Variants in ADCY5 observed in about 807,000 individuals in gnomAD.
The protein encoded by ADCY5 is adenylate cyclase 5.
Under a neutral mutation model 119.7 loss-of-function variants are expected in ADCY5, and 30 were observed. The observed-to-expected ratio is 0.25, with a 90% CI of 0.19 to 0.34. ADCY5 has a LOEUF of 0.34. Among genes scored for constraint, ADCY5 ranks in the 10% least tolerant of loss-of-function variants. The pLI, the probability that ADCY5 is intolerant of heterozygous loss-of-function variation, is 1.00. For missense variants in ADCY5, 1,324 were observed against 1,775.2 expected (o/e 0.75, Z 4.57); for synonymous variants, 753 against 762.2 (o/e 0.99, Z 0.20).
intron 1 of ADCY5, among the ~76,000 whole-genome samples, chr3:123,383,184 T>C (rs2107563218): frequency 6.6e-6 from 1 of 152,192 alleles, no homozygotes; most frequent in African/African-American, 2.4e-5. Context: ...TAAACAGGAA[T>C]GCAGCCCAGG....
intron 1 of ADCY5, among the ~76,000 whole-genome samples, chr3:123,392,155 C>T (rs897052884): frequency 6.6e-6 from 1 of 152,252 alleles, no homozygotes; most frequent in Non-Finnish European, 1.5e-5. Context: ...AGTTACACAA[C>T]AGTATAGCCT....
chr3:123,358,634 C>T (rs1943129483), intron 1 of ADCY5, among the ~76,000 whole-genome samples: 1 of 152,116 alleles, frequency 6.6e-6, no homozygotes, highest in African/African-American at 2.4e-5. Context: ...AAAACAAGCC[C>T]TGCAGATGGA....
chr3:123,309,077 G>C (rs949855516), intron 12 of ADCY5, among the ~76,000 whole-genome samples: 23 of 152,174 alleles, frequency 1.5e-4, no homozygotes, highest in African/African-American at 5.3e-4. Context: ...ATGAAAAACA[G>C]GAGTGGGAAC....
intron 14 of ADCY5, 105 bp from the exon 15 acceptor site, chr3:123,300,400 G>A: frequency 1.5e-6 from 2 of 1,297,648 alleles, no homozygotes; most frequent in Non-Finnish European, 2.1e-6. Context: ...GGCCTGGGCT[G>A]GGCATGTTTC....
chr3:123,328,566 T>A, intron 6 of ADCY5, 78 bp downstream of exon 6: 51 of 1,409,936 alleles, frequency 3.6e-5, no homozygotes, highest in Non-Finnish European at 3.7e-5. Flanking sequence ...CCGCCTCGCC[T>A]CTGCAGGATG....
chr3:123,371,596 G>C (rs1385355148), intron 1 of ADCY5, among the ~76,000 whole-genome samples: 15 of 152,226 alleles, frequency 9.9e-5, no homozygotes, highest in Non-Finnish European at 5.9e-5. Context: ...CCTGAGCCTC[G>C]GGGCATTGCA....
chr3:123,373,761 C>CA (rs1161766351), intron 1 of ADCY5, among the ~76,000 whole-genome samples: 2 of 20,262 alleles, frequency 9.9e-5, no homozygotes, highest in East Asian at 0.071. Context: ...GCATCACGCC[C>CA]CCCCCCCCCC....
Position 123,284,406 on chromosome 3 carries a change from G to T in ADCY5, c.*202C>A. 1 of 720,492 alleles carries T rather than the reference G, an allele frequency of 1.4e-6. No homozygotes were observed. Among genetic ancestry groups the T allele is most frequent in the Non-Finnish European group, 2.2e-6 (1 of 451,550 alleles). 44.6% of individuals were successfully genotyped at this position (720,492 alleles called of 1,614,324 possible). A position where few individuals can be genotyped will look rare whatever the true frequency, so the allele number is the denominator to read the frequency against. On this transcript the variant is annotated 3_prime_UTR_variant, in exon 21 of 21. Coordinates refer to ENST00000462833, the MANE Select transcript of ADCY5 (RefSeq NM_183357.3). ...AACATCTTTGGTCAGCTGGGTGCTC[G>T]CAGGACGCTGGCACCCCGGGGCCTG...
chr3:123,401,790 T>C (rs1944760383), intron 1 of ADCY5, among the ~76,000 whole-genome samples: 1 of 152,114 alleles, frequency 6.6e-6, no homozygotes, highest in Non-Finnish European at 1.5e-5. Context: ...AGAGGTAGTG[T>C]GGCAGGTAGC....
rs780526569 is a variant in ADCY5 at position 123,303,838 on chromosome 3, A to AAAGAGAAGAGAAGAG, written c.2559+214_2559+228dup. On this transcript the variant is annotated intron_variant, in intron 13 of 20. Coordinates refer to ENST00000462833, the MANE Select transcript of ADCY5 (RefSeq NM_183357.3). ...AGACTCTGTCTCAAAACTGGAAAGAAAAGAGAAGAGAAGAGAAGAGAAGAG... is the reference window on the plus strand; with the variant it reads ...AGACTCTGTCTCAAAACTGGAAAGAAAAGAGAAGAGAAGAGAAGAGAAGAGAAGAGAAGAGAAGAG... 2.8e-3 allele frequency among the ~76,000 whole-genome samples: 276 copies of AAAGAGAAGAGAAGAG among 99,440 alleles called. 2 individuals are homozygous for AAAGAGAAGAGAAGAG. The highest frequency in any genetic ancestry group is 0.011 in the African/African-American group (253 of 22,282). The allele number at this position is 99,440 out of a possible 152,430, so 65.2% of individuals were successfully genotyped here.
chr3:123,410,659 T>C (rs1945022815), intron 1 of ADCY5, among the ~76,000 whole-genome samples: 1 of 152,184 alleles, frequency 6.6e-6, no homozygotes, highest in Non-Finnish European at 1.5e-5. Flanking sequence ...TCTTTTTTTT[T>C]TGGAGGTAGA....
At position 123,395,742 on chromosome 3, in the gene ADCY5, G is replaced by GT. The variant is rs767038748; in HGVS notation, c.1135-43162dup. ...AAAAAAAAATTTTTTTAATTGCCGGGTGTGGTGGCATGTGCCTGTAGTCCC... is the reference window on the plus strand; with the variant it reads ...AAAAAAAAATTTTTTTAATTGCCGGGTTGTGGTGGCATGTGCCTGTAGTCCC... On this transcript the variant is annotated intron_variant, in intron 1 of 20. Transcript: ENST00000462833. 7.9e-5 allele frequency among the ~76,000 whole-genome samples: 12 copies of GT among 151,672 alleles called. No individual in the cohort carries two copies. In the East Asian group the frequency reaches 1.6e-3, roughly 20 times the overall value.
intron 1 of ADCY5, among the ~76,000 whole-genome samples, chr3:123,426,295 T>TTG (rs1314061739): frequency 4.8e-5 from 1 of 20,816 alleles, no homozygotes; most frequent in Non-Finnish European, 1.4e-4. Flanking sequence ...TTCTTTTCTT[T>TTG]TGTGTTTTTT....
intron 1 of ADCY5, among the ~76,000 whole-genome samples, chr3:123,357,238 A>G (rs1943071546): frequency 6.6e-6 from 1 of 152,112 alleles, no homozygotes; most frequent in Non-Finnish European, 1.5e-5. Flanking sequence ...ATTATACCTT[A>G]ATTTAAAAAA....
rs1295136871 is a variant in ADCY5, at chr3:123,283,042, AAAAC to A, written c.*1562_*1565del. On this transcript the variant is annotated 3_prime_UTR_variant, in exon 21 of 21. Coordinates refer to ENST00000462833, the MANE Select transcript of ADCY5 (RefSeq NM_183357.3). Reference sequence around the variant, plus strand: ...GTATGTTTAACTGCCCCCTCCCACTAAAACAAAATTCCTGCTAGCTTTCCCTGTG... The same window carrying A: ...GTATGTTTAACTGCCCCCTCCCACTAAAAATTCCTGCTAGCTTTCCCTGTG... 14 of 152,224 alleles carry A rather than the reference AAAAC, an allele frequency of 9.2e-5. No homozygotes were observed. The highest frequency in any genetic ancestry group is 8.8e-5 in the Non-Finnish European group (6 of 68,040). 9.4% of individuals were successfully genotyped at this position (152,224 alleles called of 1,614,324 possible).
chr3:123,422,509 C>T (rs1404230565), intron 1 of ADCY5, among the ~76,000 whole-genome samples: 2 of 152,206 alleles, frequency 1.3e-5, no homozygotes, highest in African/African-American at 4.8e-5. Flanking sequence ...CTCTTATATA[C>T]AGGTAGGTGG....
At chr3:123,357,179 T>G (rs1443019895) in intron 1 of ADCY5, among the ~76,000 whole-genome samples, 1 of 152,002 alleles carries the variant, frequency 6.6e-6, no homozygotes, top group Admixed American at 6.6e-5. Flanking sequence ...TATGCATTTG[T>G]TACACCTGCA....
At chr3:123,396,134 G>A (rs1408286798) in intron 1 of ADCY5, among the ~76,000 whole-genome samples, 1 of 135,060 alleles carries the variant, frequency 7.4e-6, no homozygotes, top group Non-Finnish European at 1.6e-5. Flanking sequence ...GCAAGAGAGG[G>A]AAAAAAGAAG....
intron 3 of ADCY5, among the ~76,000 whole-genome samples, chr3:123,335,336 C>T (rs1279812304): frequency 2.0e-5 from 3 of 152,178 alleles, no homozygotes; most frequent in Non-Finnish European, 4.4e-5. Context: ...ACAATCTTAG[C>T]AGCAGTCCTC....
Sources: allele counts gnomAD v4.1 joint callset (sites outside exome capture counted in the v4.1 genomes callset), GRCh38; gene constraint gnomAD v4.1.1; transcripts MANE v1.5; gene names NCBI Gene and HGNC (gene_info 2026-07-23, HGNC 2026-07-21).